EEF2K: variants seen among roughly 807,000 people sequenced by gnomAD.
The protein encoded by EEF2K is alternative protein EEF2K.
EEF2K carries 70 observed loss-of-function variants against 93.8 expected under a neutral mutation model. The observed-to-expected ratio is 0.75, with a 90% CI of 0.62 to 0.91. EEF2K has a LOEUF of 0.91. Among genes scored for constraint, EEF2K ranks in the 40% least tolerant of loss-of-function variants. The pLI, the probability that EEF2K is intolerant of heterozygous loss-of-function variation, is 0.00. For missense variants in EEF2K, 935 were observed against 972.9 expected, an observed-to-expected ratio of 0.96 and a Z score of 0.52; for synonymous variants, 376 against 380.8, an observed-to-expected ratio of 0.99 and a Z score of 0.15.
intron 17 of EEF2K, among the ~76,000 whole-genome samples, chr16:22,281,694 A>G (rs2047694467): frequency 1.3e-5 from 2 of 152,172 alleles, no homozygotes; most frequent in African/African-American, 4.8e-5. Flanking sequence ...AGATTTGCCT[A>G]TTCTGGAGAT....
intron 6 of EEF2K, among the ~76,000 whole-genome samples, chr16:22,251,843 G>C (rs1488994648): frequency 1.3e-5 from 2 of 152,106 alleles, no homozygotes; most frequent in Non-Finnish European, 2.9e-5. Flanking sequence ...GCCCAGGCCA[G>C]AGTGCAGTGG....
intron 1 of EEF2K, among the ~76,000 whole-genome samples, chr16:22,220,348 C>G (rs1297775955): frequency 1.3e-5 from 2 of 152,238 alleles, no homozygotes; most frequent in Non-Finnish European, 2.9e-5. Flanking sequence ...GGGCCGAGCT[C>G]CCCACACTGT....
intron 16 of EEF2K, among the ~76,000 whole-genome samples, chr16:22,274,912 T>C (rs2047620082): frequency 6.6e-6 from 1 of 152,142 alleles, no homozygotes; most frequent in Admixed American, 6.6e-5. Flanking sequence ...CTAGGGCAGG[T>C]ATTTTGGCTC....
intron 4 of EEF2K, among the ~76,000 whole-genome samples, chr16:22,249,886 A>G (rs535797586): frequency 4.0e-5 from 6 of 151,790 alleles, no homozygotes; most frequent in African/African-American, 1.5e-4. Flanking sequence ...GGTTCAAGCA[A>G]TTCTCCTGCC....
Position 22,286,210 on chromosome 16 carries a change from C to G in EEF2K, c.*2214C>G, listed in dbSNP as rs1310129549. 6.6e-6 allele frequency: 1 copy of G among 152,134 alleles called. No homozygotes were observed. Among genetic ancestry groups the G allele is most frequent in the African/African-American group, 2.4e-5 (1 of 41,406 alleles). The allele number at this position is 152,134 out of a possible 1,614,324, so 9.4% of individuals were successfully genotyped here. A position where few individuals can be genotyped will look rare whatever the true frequency, so the allele number is the denominator to read the frequency against. On this transcript the variant is annotated 3_prime_UTR_variant, in exon 18 of 18. Coordinates refer to ENST00000263026, the MANE Select transcript of EEF2K (RefSeq NM_013302.5). Reference sequence around the variant, plus strand: ...ACTGATCACCCTTTTGTCATCTGTACCAGATCAGTAGTTGGCTTGTGTTAC... The same window carrying G: ...ACTGATCACCCTTTTGTCATCTGTAGCAGATCAGTAGTTGGCTTGTGTTAC...
chr16:22,284,866 G>A lies in EEF2K; in HGVS notation c.*870G>A, dbSNP rs1190053472. The A allele has an allele frequency of 1.3e-5, 2 of 152,422 alleles. No homozygotes were observed. The highest frequency in any genetic ancestry group is 2.9e-5 in the Non-Finnish European group (2 of 68,046). The allele number at this position is 152,422 out of a possible 1,614,324, so 9.4% of individuals were successfully genotyped here. A position where few individuals can be genotyped will look rare whatever the true frequency, so the allele number is the denominator to read the frequency against. On this transcript the variant is annotated 3_prime_UTR_variant, in exon 18 of 18. Transcript: ENST00000263026. ...CATGCGTGGCATTTTTTCAGTGGGTGTGAGATTGCACAATACCCAGGCTCC... is the reference window on the plus strand; with the variant it reads ...CATGCGTGGCATTTTTTCAGTGGGTATGAGATTGCACAATACCCAGGCTCC...
At position 22,226,517 on chromosome 16, in the gene EEF2K, C is replaced by CTTTTTTTTTTTTTTTTTTTTTTTTTTT. The variant is rs553013823; in HGVS notation, c.246+557_246+558insTTTTTTTTTTTTTTTTTTTTTTTTTTT. On this transcript the variant is annotated intron_variant, in intron 2 of 17. Transcript: ENST00000263026. ...CTTTTTCTTTCTTTTCCTTCTTCTT[C>CTTTTTTTTTTTTTTTTTTTTTTTTTTT]TTTTTTTTTTTTTTTATAAACGTGG... is the stretch of plus-strand genomic sequence containing the variant. Among the ~76,000 whole-genome samples, 57 of 106,856 alleles carry CTTTTTTTTTTTTTTTTTTTTTTTTTTT rather than the reference C, an allele frequency of 5.3e-4. 2 individuals carry two copies. The highest frequency in any genetic ancestry group is 2.2e-3 in the African/African-American group (53 of 23,634). 70.1% of individuals were successfully genotyped at this position (106,856 alleles called of 152,430 possible).
chr16:22,217,606 C>T (rs558736534), intron 1 of EEF2K, among the ~76,000 whole-genome samples: 13 of 152,156 alleles, frequency 8.5e-5, no homozygotes, highest in African/African-American at 3.1e-4. Context: ...GCTCGTGCCA[C>T]CATGCCCCGC....
chr16:22,216,552 GCTT>G (rs1408661076), intron 1 of EEF2K, among the ~76,000 whole-genome samples: 4 of 152,166 alleles, frequency 2.6e-5, no homozygotes, highest in Non-Finnish European at 4.4e-5. Flanking sequence ...GAGAAACTCA[GCTT>G]CTTCTAGTTG....
chr16:22,286,261 T>G lies in EEF2K; in HGVS notation c.*2265T>G, dbSNP rs147906990. 7.9e-5 allele frequency: 12 copies of G among 152,312 alleles called. No individual in the cohort carries two copies. Among genetic ancestry groups the G allele is most frequent in the Non-Finnish European group, 1.2e-4 (8 of 68,038 alleles). 9.4% of individuals were successfully genotyped at this position (152,312 alleles called of 1,614,324 possible). A position where few individuals can be genotyped will look rare whatever the true frequency, so the allele number is the denominator to read the frequency against. ...ATTTTGTGTGTGTGTGTGCGTGTTT[T>G]AAACCAGTGCATATAAATTGTATGT... is the stretch of plus-strand genomic sequence containing the variant. On this transcript the variant is annotated 3_prime_UTR_variant, in exon 18 of 18. Transcript: ENST00000263026.
At chr16:22,257,907 C>A in intron 9 of EEF2K, 137 bp downstream of exon 9, 1 of 1,338,720 alleles carries the variant, frequency 7.5e-7, no homozygotes, top group Non-Finnish European at 1.0e-6. Context: ...GCATCTGTCC[C>A]ATCCATGCCC....
intron 16 of EEF2K, among the ~76,000 whole-genome samples, chr16:22,275,533 A>G (rs1279372168): frequency 6.6e-6 from 1 of 151,120 alleles, no homozygotes; most frequent in African/African-American, 2.4e-5. Context: ...AATACAGACA[A>G]GATTTCACCA....
At position 22,256,821 on chromosome 16, in the gene EEF2K, A is replaced by G; in HGVS notation, c.692A>G (p.Tyr231Cys). The change falls in exon 7 of 18, where the codon TAC becomes TGC. Residue 231 changes from tyrosine to cysteine, a missense_variant. By Grantham distance (194) the Tyr-to-Cys change is radical. Transcript: ENST00000263026. ...PGKPLFHLEH[Y>C]IEGKYIKYNS... ...AAGCCCCTCTTCCACCTGGAGCACT[A>G]CATCGAGGGCAAGTACATCAAGTAC... 1 of 1,614,186 alleles carries G rather than the reference A, an allele frequency of 6.2e-7. No homozygotes were observed. Among genetic ancestry groups the G allele is most frequent in the South Asian group, 1.1e-5 (1 of 91,084 alleles).
At chr16:22,230,863 CA>C (rs1160537857) in intron 2 of EEF2K, among the ~76,000 whole-genome samples, 1 of 151,958 alleles carries the variant, frequency 6.6e-6, no homozygotes, top group African/African-American at 2.4e-5. Context: ...CTCCTGGGCT[CA>C]AACAATCATC....
chr16:22,267,178 A>G (rs902649123), intron 15 of EEF2K, among the ~76,000 whole-genome samples: 2 of 152,144 alleles, frequency 1.3e-5, no homozygotes, highest in African/African-American at 4.8e-5. Context: ...AAGGGCTGTA[A>G]CTGGGGCCTG....
At chr16:22,260,316 ATTC>A in intron 10 of EEF2K, 143 bp from the exon 11 acceptor site, 2 of 742,900 alleles carry the variant, frequency 2.7e-6, no homozygotes, top group Admixed American at 2.5e-5. Context: ...TGCTGATAAC[ATTC>A]TTCTCCTTTT....
intron 1 of EEF2K, among the ~76,000 whole-genome samples, chr16:22,219,474 A>T (rs564750438): frequency 6.6e-6 from 1 of 152,220 alleles, no homozygotes; most frequent in South Asian, 2.1e-4. Flanking sequence ...CTACAAAAAT[A>T]AAAAATTAGG....
intron 2 of EEF2K, among the ~76,000 whole-genome samples, chr16:22,237,211 C>G (rs907699281): frequency 6.6e-6 from 1 of 151,054 alleles, no homozygotes; most frequent in African/African-American, 2.4e-5. Flanking sequence ...TCCCAAAGTG[C>G]TAGGATTACA....
intron 3 of EEF2K, 65 bp downstream of exon 3, chr16:22,244,795 C>T (rs976615955): frequency 1.3e-6 from 2 of 1,529,982 alleles, no homozygotes; most frequent in Non-Finnish European, 1.8e-6. Flanking sequence ...TGTTCCCAAT[C>T]AGTGAGGCCT....
Sources: allele counts gnomAD v4.1 joint callset (sites outside exome capture counted in the v4.1 genomes callset), GRCh38; gene constraint gnomAD v4.1.1; transcripts MANE v1.5; gene names NCBI Gene and HGNC (gene_info 2026-07-23, HGNC 2026-07-21).